The following TPST1 variants were observed in gnomAD, a reference collection of about 807,000 sequenced individuals.
The protein encoded by TPST1 is protein-tyrosine sulfotransferase 1.
Under a neutral mutation model 34.8 loss-of-function variants are expected in TPST1, and 20 were observed. The ratio of observed to expected loss-of-function variants is 0.57; its 90% CI spans 0.40 to 0.84. The LOEUF (loss-of-function observed/expected upper bound fraction) is 0.84. TPST1 is among the 40% of genes least tolerant of loss of function. TPST1 has a pLI of 0.00. For missense variants in TPST1, 353 were observed against 455.5 expected (o/e 0.78, Z 2.05); for synonymous variants, 152 against 159.4 (o/e 0.95, Z 0.35).
chr7:66,221,025 C>T (rs1446015876), intron 1 of TPST1, among the ~76,000 whole-genome samples: 9 of 151,742 alleles, frequency 5.9e-5, no homozygotes, highest in Non-Finnish European at 1.0e-4. Flanking sequence ...CCCAGCTACT[C>T]GGGAGGCTGA....
At chr7:66,202,435 G>A (rs555605132), upstream of TPST1, among the ~76,000 whole-genome samples, 19 of 152,244 alleles carry the variant, frequency 1.2e-4, no homozygotes, top group African/African-American at 4.1e-4. Flanking sequence ...TCTAGAATTC[G>A]TTCTCACAGT....
At chr7:66,355,387 A>G (rs1302267743) in intron 4 of TPST1, among the ~76,000 whole-genome samples, 1 of 151,936 alleles carries the variant, frequency 6.6e-6, no homozygotes, top group African/African-American at 2.4e-5. Flanking sequence ...AGGCAGGACA[A>G]TCGCTTGAAC....
In TPST1 at chr7:66,241,069, G is replaced by A; in HGVS notation, c.644G>A (p.Trp215Ter). 1.2e-6 allele frequency: 2 copies of A among 1,614,184 alleles called. No homozygotes were observed. Among genetic ancestry groups the A allele is most frequent in the Non-Finnish European group, 8.5e-7 (1 of 1,180,032 alleles). The change falls in exon 2 of 6, where the codon TGG (tryptophan) becomes TAG (stop). Residue 215 changes from tryptophan (W) to a stop codon, truncating the protein, a stop_gained. Coordinates refer to ENST00000304842, the MANE Select transcript of TPST1 (RefSeq NM_003596.4). LOFTEE classifies it high-confidence loss of function. ...LNSYRDCLTK[W>*]NRAIETMYNQ... ...AGCTATAGGGACTGTTTGACAAAGT[G>A]GAATCGTGCTATAGAGACCATGTAT...
At chr7:66,283,719 C>A (rs1003770935) in intron 2 of TPST1, among the ~76,000 whole-genome samples, 2 of 152,194 alleles carry the variant, frequency 1.3e-5, no homozygotes, top group African/African-American at 4.8e-5. Flanking sequence ...TAGATGCTAA[C>A]CCTTGCCTTA....
chr7:66,306,012 T>C (rs1791415491), intron 3 of TPST1, among the ~76,000 whole-genome samples: 1 of 152,178 alleles, frequency 6.6e-6, no homozygotes, highest in African/African-American at 2.4e-5. Context: ...AGTGATTCCC[T>C]CCACCTGAAT....
At chr7:66,338,844 AAAAAAGT>A (rs1160514116) in intron 3 of TPST1, among the ~76,000 whole-genome samples, 1 of 152,162 alleles carries the variant, frequency 6.6e-6, no homozygotes, top group Non-Finnish European at 1.5e-5. Context: ...CGTCTATATC[AAAAAAGT>A]AAAAAGACTT....
At chr7:66,249,482 C>T (rs1790219278) in intron 2 of TPST1, among the ~76,000 whole-genome samples, 2 of 152,144 alleles carry the variant, frequency 1.3e-5, no homozygotes, top group Non-Finnish European at 2.9e-5. Context: ...TTCCTCATTG[C>T]TGAAAATCAT....
At chr7:66,267,097 A>G (rs752630186) in intron 2 of TPST1, among the ~76,000 whole-genome samples, 1 of 152,206 alleles carries the variant, frequency 6.6e-6, no homozygotes, top group Non-Finnish European at 1.5e-5. Context: ...AGGATGTATA[A>G]TATTATCAAG....
chr7:66,325,856 G>A (rs1053139346), intron 3 of TPST1, among the ~76,000 whole-genome samples: 5 of 152,100 alleles, frequency 3.3e-5, no homozygotes, highest in Admixed American at 1.3e-4. Context: ...GGCTGGTCTC[G>A]AACTCCTGAG....
chr7:66,309,453 C>CTAG (rs1162328078), intron 3 of TPST1, among the ~76,000 whole-genome samples: 1 of 152,150 alleles, frequency 6.6e-6, no homozygotes, highest in Non-Finnish European at 1.5e-5. Context: ...TACACACTTC[C>CTAG]TAGGTTTCTG....
chr7:66,271,795 T>C (rs537762197), intron 2 of TPST1, among the ~76,000 whole-genome samples: 2 of 152,204 alleles, frequency 1.3e-5, no homozygotes, highest in Non-Finnish European at 2.9e-5. Flanking sequence ...GTATCACCAT[T>C]TCTTTAGCCA....
At chr7:66,317,885 A>G (rs1407817392) in intron 3 of TPST1, among the ~76,000 whole-genome samples, 2 of 152,204 alleles carry the variant, frequency 1.3e-5, no homozygotes, top group Non-Finnish European at 2.9e-5. Context: ...CAGGCCAGGC[A>G]CGGTGGCTCA....
chr7:66,349,138 G>C (rs1792417130), intron 3 of TPST1, among the ~76,000 whole-genome samples: 1 of 152,184 alleles, frequency 6.6e-6, no homozygotes, highest in Non-Finnish European at 1.5e-5. Flanking sequence ...AGAGCCCTGG[G>C]GTGCGGCCTC....
upstream of TPST1, among the ~76,000 whole-genome samples, chr7:66,202,768 C>T (rs570142727): frequency 1.3e-4 from 20 of 152,206 alleles, no homozygotes; most frequent in Admixed American, 6.5e-4. Flanking sequence ...CATAGTGAGA[C>T]CCTGTCTCTA....
At chr7:66,214,600 G>C (rs1789348944) in intron 1 of TPST1, among the ~76,000 whole-genome samples, 1 of 151,068 alleles carries the variant, frequency 6.6e-6, no homozygotes, top group Non-Finnish European at 1.5e-5. Context: ...CAGATTGCTT[G>C]AGCCCAGGGG....
chr7:66,263,643 C>T lies in TPST1; in HGVS notation c.845+22373C>T, dbSNP rs141355660. Among the ~76,000 whole-genome samples the T allele has an allele frequency of 2.0e-4, 30 of 152,198 alleles. 1 individual carries two copies. In the South Asian group the frequency reaches 3.1e-3, roughly 16 times the overall value. ...TTGAATTTATCATATTACTTGAGGA[C>T]GAGCAGTTTGTTATTGTTATCTTTT... On this transcript the variant is annotated intron_variant, in intron 2 of 5. Transcript: ENST00000304842.
chr7:66,306,997 T>C (rs1413020312), intron 3 of TPST1, among the ~76,000 whole-genome samples: 1 of 152,164 alleles, frequency 6.6e-6, no homozygotes, highest in Admixed American at 6.5e-5. Flanking sequence ...ATTACAGGTG[T>C]GAGCCACCGC....
At chr7:66,224,981 G>A (rs975859455) in intron 1 of TPST1, among the ~76,000 whole-genome samples, 67 of 121,132 alleles carry the variant, frequency 5.5e-4, no homozygotes, top group African/African-American at 2.0e-3. Context: ...GCAATGGCAC[G>A]ATCTTGGCTC....
chr7:66,316,110 C>CA (rs1020760097), intron 3 of TPST1, among the ~76,000 whole-genome samples: 1,115 of 91,680 alleles, frequency 0.012, 7 homozygotes, highest in African/African-American at 0.034. Flanking sequence ...AACTCCATCT[C>CA]AAAAAAAAAA....
Sources: allele counts gnomAD v4.1 joint callset (sites outside exome capture counted in the v4.1 genomes callset), GRCh38; gene constraint gnomAD v4.1.1; transcripts MANE v1.5; gene names NCBI Gene and HGNC (gene_info 2026-07-23, HGNC 2026-07-21).